The following BMS1 variants were observed in gnomAD, a reference collection of about 807,000 sequenced individuals.
BMS1 encodes BMS1 ribosome biogenesis factor.
In BMS1, 53 loss-of-function variants were observed where a neutral mutation model predicts 138.7. That is an observed-to-expected ratio of 0.38 (90% confidence interval 0.31 to 0.48). BMS1 has a LOEUF of 0.48. Ranked by LOEUF, BMS1 falls within the 20% of genes least tolerant of loss-of-function variation. BMS1 has a pLI of 0.97. For synonymous variants in BMS1, 504 were observed against 539.9 expected (o/e 0.93, Z 0.92); for missense variants, 1,360 against 1,565.5 (o/e 0.87, Z 2.22).
At chr10:42,801,166 T>C (rs145666763) in intron 12 of BMS1, among the ~76,000 whole-genome samples, 4 of 152,224 alleles carry the variant, frequency 2.6e-5, no homozygotes, top group Non-Finnish European at 4.4e-5. Context: ...CTGCCATGAG[T>C]TGGTCATTAC....
intron 13 of BMS1, among the ~76,000 whole-genome samples, chr10:42,805,588 T>C (rs1364453118): frequency 6.6e-6 from 1 of 152,226 alleles, no homozygotes; most frequent in Non-Finnish European, 1.5e-5. Flanking sequence ...ATTGCCATCT[T>C]AACCACATTG....
At chr10:42,785,986 C>T (rs991637325) in intron 3 of BMS1, among the ~76,000 whole-genome samples, 6 of 152,286 alleles carry the variant, frequency 3.9e-5, no homozygotes, top group African/African-American at 9.6e-5. Flanking sequence ...CCTCTTCCTC[C>T]GTGTAGAAGG....
chr10:42,802,349 T>A (rs1336188732), intron 13 of BMS1, 131 bp downstream of exon 13: 1 of 704,356 alleles, frequency 1.4e-6, no homozygotes, highest in African/African-American at 1.8e-5. Context: ...ACAGGAGTAA[T>A]GAACCAGGTA....
At position 42,797,104 on chromosome 10, in the gene BMS1, T is replaced by G. The variant is rs1186489621; in HGVS notation, c.1860T>G (p.Pro620=). The G allele has an allele frequency of 1.7e-5, 27 of 1,614,110 alleles. No individual in the cohort carries two copies. The Admixed American group carries it at 3.8e-4, about 23-fold the overall frequency. The change falls in exon 10 of 23, where the codon CCT becomes CCG. Residue 620 remains proline (P), a synonymous_variant. Coordinates refer to ENST00000374518, the MANE Select transcript of BMS1 (RefSeq NM_014753.4). ...CTATTAGAAAAAAGCTTTCAAAGCC[T>G]TCTCAAGTGAGCAGTGGTCAGAAAC... is the stretch of plus-strand genomic sequence containing the variant. The part of the protein sequence containing the change: ...EEAIRKKLSK[P]SQVSSGQKLG...
intron 18 of BMS1, among the ~76,000 whole-genome samples, 182 bp downstream of exon 18, chr10:42,821,174 G>A (rs1435567025): frequency 6.6e-6 from 1 of 152,142 alleles, no homozygotes; most frequent in African/African-American, 2.4e-5. Flanking sequence ...GAGGAGGGGA[G>A]GTGGAAGAAT....
chr10:42,827,920 C>A (rs1345560440), intron 21 of BMS1, among the ~76,000 whole-genome samples: 1 of 152,186 alleles, frequency 6.6e-6, no homozygotes, highest in Non-Finnish European at 1.5e-5. Flanking sequence ...CCACCATATA[C>A]ATGTATTTTT....
chr10:42,816,643 C>T lies in BMS1; in HGVS notation c.2374C>T (p.His792Tyr), dbSNP rs368599540. Residue 792 changes from histidine to tyrosine, a missense_variant, in exon 14 of 23, where the codon CAC becomes TAC. Physicochemically the swap from His to Tyr is moderately conservative, Grantham distance 83 (BLOSUM62 2). Coordinates refer to ENST00000374518, the MANE Select transcript of BMS1 (RefSeq NM_014753.4). The part of the protein sequence containing the change: ...DFEDLETGDV[H>Y]KGKSGPNTQN... ...TGAAGACTTGGAAACAGGGGACGTG[C>T]ACAAGGGAAAATCAGGCCCCAATAC... 2 of 1,611,378 alleles carry T rather than the reference C, an allele frequency of 1.2e-6. No homozygotes were observed. Among genetic ancestry groups the T allele is most frequent in the Non-Finnish European group, 8.5e-7 (1 of 1,179,656 alleles).
chr10:42,803,386 G>A (rs1437087077), intron 13 of BMS1, among the ~76,000 whole-genome samples: 4 of 152,144 alleles, frequency 2.6e-5, no homozygotes, highest in East Asian at 1.9e-4. Context: ...CAATCTTCCC[G>A]CCTTAGCCTT....
chr10:42,783,918 G>C (rs1436864619), intron 1 of BMS1, among the ~76,000 whole-genome samples: 2 of 152,168 alleles, frequency 1.3e-5, no homozygotes, highest in African/African-American at 4.8e-5. Context: ...CATCAGTCCA[G>C]TTGATACCTG....
intron 2 of BMS1, among the ~76,000 whole-genome samples, chr10:42,785,056 A>G (rs1841283113): frequency 6.6e-6 from 1 of 152,230 alleles, no homozygotes; most frequent in Admixed American, 6.5e-5. Flanking sequence ...TGAGATCAAG[A>G]AAACAAGTTA....
At chr10:42,795,779 A>G (rs1841664625) in intron 9 of BMS1, among the ~76,000 whole-genome samples, 1 of 152,138 alleles carries the variant, frequency 6.6e-6, no homozygotes, top group African/African-American at 2.4e-5. Flanking sequence ...CTTCTGTATC[A>G]GTTATAGCAC....
intron 9 of BMS1, among the ~76,000 whole-genome samples, chr10:42,795,173 T>C (rs1300845123): frequency 6.6e-6 from 1 of 151,994 alleles, no homozygotes; most frequent in African/African-American, 2.4e-5. Flanking sequence ...TTGTTGGACA[T>C]TTGGGTTGGT....
chr10:42,807,648 A>G (rs1842051531), intron 13 of BMS1, among the ~76,000 whole-genome samples: 1 of 151,550 alleles, frequency 6.6e-6, no homozygotes, highest in Non-Finnish European at 1.5e-5. Context: ...ATATTTTTTT[A>G]TTTGTTTGTT....
intron 21 of BMS1, 63 bp from the exon 22 acceptor site, chr10:42,830,198 A>G (rs1842761126): frequency 6.3e-7 from 1 of 1,579,094 alleles, no homozygotes; most frequent in Non-Finnish European, 8.6e-7. Context: ...GATTTTATGC[A>G]GAAGTTTTAA....
intron 21 of BMS1, among the ~76,000 whole-genome samples, chr10:42,827,567 C>G (rs953246862): frequency 3.3e-5 from 5 of 152,198 alleles, no homozygotes; most frequent in African/African-American, 1.2e-4. Flanking sequence ...AGTTCCTTCT[C>G]TGAGGGGAGT....
At chr10:42,822,389 G>A (rs1458594210) in intron 19 of BMS1, among the ~76,000 whole-genome samples, 1 of 152,092 alleles carries the variant, frequency 6.6e-6, no homozygotes, top group Non-Finnish European at 1.5e-5. Flanking sequence ...TAGGAATTGA[G>A]GCTGTTATTC....
chr10:42,818,420 T>G (rs1056938149), intron 15 of BMS1, among the ~76,000 whole-genome samples: 2 of 152,192 alleles, frequency 1.3e-5, no homozygotes, highest in African/African-American at 4.8e-5. Flanking sequence ...ATCAGATCAC[T>G]CTGCCAAGAG....
chr10:42,820,245 G>A lies in BMS1; in HGVS notation c.2590G>A (p.Ala864Thr), dbSNP rs117641896. ...TCCCCATCATGTACAGCTGAATCGCGCAGAATTTGAAGATCAAGATGATGA... is the reference window on the plus strand; with the variant it reads ...TCCCCATCATGTACAGCTGAATCGCACAGAATTTGAAGATCAAGATGATGA... Reference protein sequence around the residue: ...EMQKQAQLNRAEFEDQDDEAR... With the variant: ...EMQKQAQLNRTEFEDQDDEAR... The change falls in exon 16 of 23, where the codon GCA (alanine) becomes ACA (threonine). Residue 864 changes from alanine (A) to threonine (T), a missense_variant. Ala to Thr is a moderately conservative substitution (Grantham distance 58). Transcript: ENST00000374518. The A allele has an allele frequency of 9.9e-3, 15,906 of 1,611,540 alleles. 732 individuals are homozygous for A. In the East Asian group the frequency reaches 0.14, roughly 14 times the overall value.
At chr10:42,788,997 C>T (rs1841423380) in intron 4 of BMS1, among the ~76,000 whole-genome samples, 1 of 152,162 alleles carries the variant, frequency 6.6e-6, no homozygotes, top group Non-Finnish European at 1.5e-5. Flanking sequence ...TATGGAGGCA[C>T]CATAATTTAT....
Sources: gnomAD v4.1 joint callset for allele counts (sites outside exome capture counted in the v4.1 genomes callset) on GRCh38, gnomAD v4.1.1 for gene constraint, MANE v1.5 for transcripts, NCBI Gene and HGNC (gene_info 2026-07-23, HGNC 2026-07-21) for gene names.